Variants in ZNF469 observed in about 807,000 individuals in gnomAD.
The protein encoded by ZNF469 is zinc finger protein 469.
ZNF469 carries 1 observed loss-of-function variant against 1.0 expected under a neutral mutation model. The ratio of observed to expected loss-of-function variants is 1.00; its 90% CI spans 0.35 to 4.73. ZNF469 has a LOEUF of 4.73. Among genes scored for constraint, ZNF469 ranks in the 30% most tolerant of loss-of-function variants. The probability of loss-of-function intolerance (pLI) is 0.16; values close to 1 mark genes in which losing one functional copy is unlikely to be tolerated. For synonymous variants in ZNF469, 2,703 were observed against 2,363.4 expected (o/e 1.14, Z -4.17); for missense variants, 6,100 against 5,356.3 (o/e 1.14, Z -4.33).
At chr16:88,395,196 T>C (rs1904619423) in intron 1 of ZNF469, among the ~76,000 whole-genome samples, 1 of 150,810 alleles carries the variant, frequency 6.6e-6, no homozygotes, top group East Asian at 1.9e-4. Context: ...TGTAGGTAGG[T>C]GGGTATGTGG....
At chr16:88,120,608 G>A in the ZNF469 span, among the ~76,000 whole-genome samples, 2 of 152,222 alleles carry the variant, frequency 1.3e-5, no homozygotes, top group Admixed American at 6.5e-5. Flanking sequence ...ACCAGGGACG[G>A]AGCCGCCCTG....
At chr16:88,157,180 G>A in the ZNF469 span, among the ~76,000 whole-genome samples, 10 of 151,676 alleles carry the variant, frequency 6.6e-5, no homozygotes, top group East Asian at 2.0e-4. Context: ...AGGGACATGC[G>A]CTTGTTGCTC....
the ZNF469 span, among the ~76,000 whole-genome samples, chr16:88,126,888 C>T: frequency 5.3e-5 from 8 of 152,002 alleles, no homozygotes; most frequent in East Asian, 1.2e-3. Flanking sequence ...GGGGCGATCT[C>T]GGCTTACTGC....
chr16:88,239,209 C>T, the ZNF469 span, among the ~76,000 whole-genome samples: 19 of 152,134 alleles, frequency 1.2e-4, no homozygotes, highest in Admixed American at 3.9e-4. Context: ...GGTTTTTCTA[C>T]TGGTCCTACT....
the ZNF469 span, among the ~76,000 whole-genome samples, chr16:88,182,003 A>C: frequency 6.6e-6 from 1 of 152,256 alleles, no homozygotes; most frequent in Non-Finnish European, 1.5e-5. Flanking sequence ...TCTACCAGAA[A>C]ATGTGTAAGA....
the ZNF469 span, among the ~76,000 whole-genome samples, chr16:88,325,216 G>A: frequency 7.1e-6 from 1 of 141,218 alleles, no homozygotes; most frequent in Non-Finnish European, 1.5e-5. Flanking sequence ...GACAGCAGCT[G>A]TGACATACAC....
rs1291152881 is a variant in ZNF469, at chr16:88,435,450, C to A, written c.7980C>A (p.Arg2660=). Residue 2660 remains arginine, a synonymous_variant, in exon 3 of 3, where the codon CGC becomes CGA. Coordinates refer to ENST00000565624, the MANE Select transcript of ZNF469 (RefSeq NM_001367624.2). ...PVSADVISDG[R]GSRPSPAMAS... The stretch of plus-strand genomic sequence containing the variant: ...CTGCTGATGTGATTTCAGATGGGCG[C>A]GGCTCCAGACCATCCCCTGCAATGG... 1.9e-6 allele frequency: 3 copies of A among 1,549,854 alleles called. No individual in the cohort carries two copies. The highest frequency in any genetic ancestry group is 2.6e-6 in the Non-Finnish European group (3 of 1,146,974).
At chr16:88,110,847 G>A in the ZNF469 span, among the ~76,000 whole-genome samples, 1 of 152,360 alleles carries the variant, frequency 6.6e-6, no homozygotes, top group East Asian at 1.9e-4. Flanking sequence ...AGCTCAGCCG[G>A]GTGTAGCCTC....
chr16:88,146,184 C>T, the ZNF469 span, among the ~76,000 whole-genome samples: 3 of 152,196 alleles, frequency 2.0e-5, no homozygotes, highest in Non-Finnish European at 4.4e-5. Context: ...GCACCAGCGG[C>T]ACCACGACCC....
chr16:88,204,146 T>A, the ZNF469 span, among the ~76,000 whole-genome samples: 10 of 138,606 alleles, frequency 7.2e-5, no homozygotes, highest in African/African-American at 2.8e-4. Flanking sequence ...CGTAACCCCA[T>A]AGAGCAGCCG....
chr16:88,161,604 T>A, the ZNF469 span, among the ~76,000 whole-genome samples: 2 of 152,206 alleles, frequency 1.3e-5, no homozygotes, highest in African/African-American at 4.8e-5. Context: ...GTATCGAAAC[T>A]TTTCGTATGT....
intron 1 of ZNF469, among the ~76,000 whole-genome samples, chr16:88,389,672 G>A (rs906651695): frequency 2.6e-5 from 4 of 152,210 alleles, no homozygotes; most frequent in African/African-American, 9.7e-5. Context: ...GGAGGGTGAG[G>A]CGTTGGCTCA....
At chr16:88,115,198 G>A in the ZNF469 span, among the ~76,000 whole-genome samples, 1 of 152,278 alleles carries the variant, frequency 6.6e-6, no homozygotes, top group Non-Finnish European at 1.5e-5. Flanking sequence ...GCACAAAGGG[G>A]AAACGTGGCA....
At chr16:88,330,057 C>A in the ZNF469 span, among the ~76,000 whole-genome samples, 6 of 152,248 alleles carry the variant, frequency 3.9e-5, no homozygotes, top group African/African-American at 1.4e-4. Context: ...AAATGCCAGG[C>A]ATAGGCAAAG....
At chr16:88,121,694 C>T in the ZNF469 span, among the ~76,000 whole-genome samples, 2 of 152,202 alleles carry the variant, frequency 1.3e-5, no homozygotes, top group Admixed American at 6.5e-5. Context: ...TGTTCAGTGA[C>T]TTTTAAGCCC....
At chr16:88,404,108 C>G (rs980559303) in intron 1 of ZNF469, among the ~76,000 whole-genome samples, 5 of 152,230 alleles carry the variant, frequency 3.3e-5, no homozygotes, top group African/African-American at 1.2e-4. Flanking sequence ...TTGCGGGACC[C>G]TTGTGTTTAT....
Position 88,428,249 on chromosome 16 carries a change from A to C in ZNF469, c.779A>C (p.Lys260Thr). The change falls in exon 3 of 3, where the codon AAA becomes ACA. Residue 260 changes from lysine (K) to threonine (T), a missense_variant. Physicochemically the swap from Lys to Thr is moderately conservative, Grantham distance 78. Transcript: ENST00000565624. ...CCCGCCGAGCCGGAACCTATTCCCA[A>C]AGGCAGCAGGCCCGGCGGCAGCCCC... ...VPPAEPEPIP[K>T]GSRPGGSPRG... is the part of the protein sequence containing the mutation. The C allele has an allele frequency of 6.5e-7, 1 of 1,550,332 alleles. No individual in the cohort carries two copies. Among genetic ancestry groups the C allele is most frequent in the East Asian group, 2.4e-5 (1 of 40,900 alleles).
the ZNF469 span, among the ~76,000 whole-genome samples, chr16:88,195,590 GTC>G: frequency 6.6e-6 from 1 of 152,186 alleles, no homozygotes; most frequent in Non-Finnish European, 1.5e-5. Flanking sequence ...TGGGGTGAGA[GTC>G]TCTCTGTCAT....
Position 88,435,753 on chromosome 16 carries a change from C to G in ZNF469, c.8283C>G (p.Thr2761=), listed in dbSNP as rs981223435. The part of the protein sequence containing the change: ...SARGFWGPRE[T]KALGVCKESG... ...GGGGGTTCTGGGGACCAAGAGAGAC[C>G]AAGGCGTTGGGTGTGTGCAAAGAGT... Residue 2761 remains threonine (T), a synonymous_variant, in exon 3 of 3, where the codon ACC becomes ACG. Coordinates refer to ENST00000565624, the MANE Select transcript of ZNF469 (RefSeq NM_001367624.2). The G allele has an allele frequency of 6.4e-7, 1 of 1,550,656 alleles. No homozygotes were observed. The highest frequency in any genetic ancestry group is 8.7e-7 in the Non-Finnish European group (1 of 1,146,996).
Sources: allele counts gnomAD v4.1 joint callset (sites outside exome capture counted in the v4.1 genomes callset), GRCh38; gene constraint gnomAD v4.1.1; transcripts MANE v1.5; gene names NCBI Gene and HGNC (gene_info 2026-07-23, HGNC 2026-07-21).